Variants in ARK2N observed in about 807,000 individuals in gnomAD.
ARK2N encodes the protein arkadia (RNF111) N-terminal like PKA signaling regulator 2N, also known as protein ARK2N.
chr18:46,227,369 A>G, the ARK2N span, among the ~76,000 whole-genome samples: 1 of 152,188 alleles, frequency 6.6e-6, no homozygotes, highest in South Asian at 2.1e-4. Flanking sequence ...CATATTTGTA[A>G]CTTGTAAATT....
chr18:46,206,579 C>T, the ARK2N span, among the ~76,000 whole-genome samples: 1 of 152,110 alleles, frequency 6.6e-6, no homozygotes, highest in Non-Finnish European at 1.5e-5. Context: ...TTTAAATAAT[C>T]ATTTCATCTC....
chr18:46,256,653 G>T, the ARK2N span, among the ~76,000 whole-genome samples: 9 of 152,204 alleles, frequency 5.9e-5, no homozygotes, highest in Non-Finnish European at 1.3e-4. Context: ...TGAATCCTGG[G>T]AAATCGTATC....
At chr18:46,202,414 T>A in the ARK2N span, among the ~76,000 whole-genome samples, 1 of 152,190 alleles carries the variant, frequency 6.6e-6, no homozygotes, top group Non-Finnish European at 1.5e-5. Context: ...GTAGTTAGCA[T>A]GAGCTAGGCA....
the ARK2N span, chr18:46,216,428 T>C: frequency 3.1e-6 from 5 of 1,613,934 alleles, no homozygotes; most frequent in Non-Finnish European, 4.2e-6. This position sits in a 1 kb window ranked among gnomAD's most constrained non-coding sequence, Gnocchi z 4.3. Flanking sequence ...AAGGAGAGGA[T>C]CAGGCTACTG....
At chr18:46,232,776 G>A in the ARK2N span, 1 of 152,164 alleles carries the variant, frequency 6.6e-6, no homozygotes, top group Admixed American at 6.5e-5. Context: ...CCACAAAGAA[G>A]TGTATTCTAT....
the ARK2N span, among the ~76,000 whole-genome samples, chr18:46,190,088 C>A: frequency 1.3e-5 from 2 of 152,006 alleles, no homozygotes; most frequent in African/African-American, 4.8e-5. Context: ...TCTTAGAAAT[C>A]AGGATTATAC....
At chr18:46,237,337 G>C in the ARK2N span, among the ~76,000 whole-genome samples, 141 of 150,446 alleles carry the variant, frequency 9.4e-4, no homozygotes, top group African/African-American at 3.1e-3. Context: ...GTTACCATAA[G>C]TTAGCTAATA....
At chr18:46,246,236 G>A in the ARK2N span, among the ~76,000 whole-genome samples, 4 of 152,122 alleles carry the variant, frequency 2.6e-5, no homozygotes, top group African/African-American at 9.7e-5. Flanking sequence ...TCCTCCATGG[G>A]GGGTGAGGCG....
the ARK2N span, among the ~76,000 whole-genome samples, chr18:46,195,198 A>T: frequency 6.8e-6 from 1 of 147,332 alleles, no homozygotes; most frequent in Non-Finnish European, 1.5e-5. Context: ...AATTATCCAC[A>T]TTTTGCCATT....
the ARK2N span, among the ~76,000 whole-genome samples, chr18:46,205,779 T>C: frequency 0.017 from 2,650 of 152,298 alleles, 71 homozygotes; most frequent in African/African-American, 0.06. Flanking sequence ...ATTATTTAAT[T>C]CAGTGGCACA....
At chr18:46,189,954 T>C in the ARK2N span, among the ~76,000 whole-genome samples, 1 of 151,262 alleles carries the variant, frequency 6.6e-6, no homozygotes, top group African/African-American at 2.4e-5. Flanking sequence ...CTTTTATGTT[T>C]GGTTGAAGAA....
At chr18:46,259,772 C>CTGTGTG in the ARK2N span, among the ~76,000 whole-genome samples, 9,777 of 104,766 alleles carry the variant, frequency 0.093, 1,259 homozygotes, top group Middle Eastern at 0.13. Flanking sequence ...CACCCAGCTA[C>CTGTGTG]TGTGTGTGTG....
chr18:46,253,925 A>T, the ARK2N span: 1 of 1,306,142 alleles, frequency 7.7e-7, no homozygotes, highest in Admixed American at 2.4e-5. Flanking sequence ...CATAGCTGGC[A>T]TGAATGAATG....
chr18:46,251,039 C>T, the ARK2N span, among the ~76,000 whole-genome samples: 2 of 152,192 alleles, frequency 1.3e-5, no homozygotes, highest in African/African-American at 2.4e-5. Context: ...GAGACTATGC[C>T]TGCCTTGTTC....
At chr18:46,178,199 G>T in the ARK2N span, among the ~76,000 whole-genome samples, 1 of 152,192 alleles carries the variant, frequency 6.6e-6, no homozygotes, top group Non-Finnish European at 1.5e-5. Context: ...TGGAGATAGG[G>T]CCAAGTTGCA....
At chr18:46,226,989 G>C in the ARK2N span, among the ~76,000 whole-genome samples, 1 of 151,900 alleles carries the variant, frequency 6.6e-6, no homozygotes, top group Non-Finnish European at 1.5e-5. Flanking sequence ...TGTATTTTAA[G>C]TAGAGATGGG....
chr18:46,237,545 A>G, the ARK2N span, among the ~76,000 whole-genome samples: 1 of 151,618 alleles, frequency 6.6e-6, no homozygotes, highest in Non-Finnish European at 1.5e-5. Flanking sequence ...GCGCCACCAC[A>G]CTCAGCTAAT....
At chr18:46,177,069 T>C in the ARK2N span, among the ~76,000 whole-genome samples, 105 of 152,312 alleles carry the variant, frequency 6.9e-4, no homozygotes, top group African/African-American at 2.5e-3. Context: ...GGATTTTTAA[T>C]GTGTTCCTTT....
chr18:46,178,474 G>A, the ARK2N span, among the ~76,000 whole-genome samples: 1 of 152,142 alleles, frequency 6.6e-6, no homozygotes, highest in South Asian at 2.1e-4. Flanking sequence ...CGTCATGCCA[G>A]GCTAATTTTT....
Sources: allele counts gnomAD v4.1 joint callset (sites outside exome capture counted in the v4.1 genomes callset), GRCh38; gene constraint gnomAD v4.1.1; non-coding constraint Gnocchi (gnomAD v3.1); transcripts MANE v1.5; gene names NCBI Gene and HGNC (gene_info 2026-07-23, HGNC 2026-07-21).